HABP4: variants seen among roughly 807,000 people sequenced by gnomAD.
The protein encoded by HABP4 is hyaluronan binding protein 4, also known as intracellular hyaluronan-binding protein 4.
In HABP4, 32 loss-of-function variants were observed where a neutral mutation model predicts 44.1. The observed-to-expected ratio is 0.73, with a 90% CI of 0.55 to 0.97. The LOEUF is 0.97. HABP4 is among the 50% of genes least tolerant of loss of function. The pLI is 0.00. For synonymous variants in HABP4, 216 were observed against 218.0 expected, an observed-to-expected ratio of 0.99 and a Z score of 0.08; for missense variants, 503 against 561.9, an observed-to-expected ratio of 0.90 and a Z score of 1.06.
chr9:96,485,684 T>A (rs1237603533), intron 6 of HABP4, among the ~76,000 whole-genome samples: 1 of 152,314 alleles, frequency 6.6e-6, no homozygotes, highest in East Asian at 1.9e-4. Flanking sequence ...CCCGACTTGT[T>A]ACTGAACTTA....
intron 1 of HABP4, among the ~76,000 whole-genome samples, chr9:96,456,780 A>AAAATATATAT (rs1554724388): frequency 8.9e-5 from 4 of 44,768 alleles, no homozygotes; most frequent in Admixed American, 3.8e-4. Flanking sequence ...AAAAAAAAAA[A>AAAATATATAT]ATATATATAT....
At chr9:96,478,973 A>G (rs1418277143) in intron 5 of HABP4, among the ~76,000 whole-genome samples, 2 of 152,056 alleles carry the variant, frequency 1.3e-5, no homozygotes, top group Non-Finnish European at 2.9e-5. Context: ...AATGTTGAGC[A>G]TTTTTTGTGT....
At chr9:96,470,894 CA>C (rs34151859) in intron 4 of HABP4, 116 bp from the exon 5 acceptor site, 127,766 of 457,164 alleles carry the variant, frequency 0.28, 5,953 homozygotes, top group African/African-American at 0.53. Context: ...GACTCAGTCT[CA>C]AAAAAAAAAA....
Position 96,488,201 on chromosome 9 carries a change from C to T in HABP4, c.1112C>T (p.Ala371Val), listed in dbSNP as rs766149102. 6.2e-7 allele frequency: 1 copy of T among 1,613,380 alleles called. No homozygotes were observed. Among genetic ancestry groups the T allele is most frequent in the African/African-American group, 1.3e-5 (1 of 75,014 alleles). Reference protein sequence around the residue: ...FGNLPRPGRGARGGTRGGRGR... With the variant: ...FGNLPRPGRGVRGGTRGGRGR... The stretch of plus-strand genomic sequence containing the variant: ...AACCTCCCTCGTCCTGGGCGTGGAG[C>T]CAGAGGAGGCACCCGGGGAGGCCGG... Residue 371 changes from alanine (A) to valine (V), a missense_variant, in exon 7 of 8, where the codon GCC (alanine) becomes GTC (valine). Physicochemically the swap from Ala to Val is moderately conservative, Grantham distance 64. Coordinates refer to ENST00000375249, the MANE Select transcript of HABP4 (RefSeq NM_014282.4). This position sits in a 1 kb window ranked among gnomAD's most constrained non-coding sequence, Gnocchi z 4.6.
At chr9:96,461,206 CTTA>C (rs1832493468) in intron 2 of HABP4, among the ~76,000 whole-genome samples, 1 of 152,164 alleles carries the variant, frequency 6.6e-6, no homozygotes, top group African/African-American at 2.4e-5. Context: ...TGTGAATGTA[CTTA>C]ATGCCACAGA....
At chr9:96,467,323 C>A (rs746671276) in intron 4 of HABP4, among the ~76,000 whole-genome samples, 6 of 145,072 alleles carry the variant, frequency 4.1e-5, no homozygotes, top group Non-Finnish European at 7.4e-5. Context: ...GATTTACTAC[C>A]ATTGCTCATT....
At chr9:96,457,570 TAAAAAC>T (rs1234704713) in intron 1 of HABP4, among the ~76,000 whole-genome samples, 8 of 152,180 alleles carry the variant, frequency 5.3e-5, no homozygotes, top group Non-Finnish European at 8.8e-5. Context: ...CTACAAACTT[TAAAAAC>T]AAAAACCTTG....
intron 5 of HABP4, chr9:96,483,677 A>ATTT (rs2131157199): frequency 6.6e-6 from 1 of 152,394 alleles, no homozygotes; most frequent in South Asian, 2.1e-4. Flanking sequence ...GTAGTATAAA[A>ATTT]GTATCTGATG....
At chr9:96,452,974 G>T (rs1832313090) in intron 1 of HABP4, among the ~76,000 whole-genome samples, 1 of 127,440 alleles carries the variant, frequency 7.8e-6, no homozygotes, top group Admixed American at 9.1e-5. Context: ...AGGCTGGAGT[G>T]CAGTGGCATG....
intron 4 of HABP4, among the ~76,000 whole-genome samples, chr9:96,470,277 C>G (rs1003342324): frequency 1.3e-5 from 2 of 152,044 alleles, no homozygotes; most frequent in African/African-American, 4.8e-5. Flanking sequence ...CCACCGCACT[C>G]CAACCACCAT....
intron 2 of HABP4, among the ~76,000 whole-genome samples, chr9:96,464,391 AAAGT>A (rs1348071706): frequency 6.6e-6 from 1 of 152,200 alleles, no homozygotes; most frequent in African/African-American, 2.4e-5. Context: ...AAAGAAATCT[AAAGT>A]AAGGTTCTAA....
chr9:96,484,466 C>T lies in HABP4; in HGVS notation c.832C>T (p.Pro278Ser), dbSNP rs778542912. ...TGATTATATATCTCTTTATAGAGTTCCTGAGTTGGAGGTAGAAGAAGAAAC... is the reference window on the plus strand; with the variant it reads ...TGATTATATATCTCTTTATAGAGTTTCTGAGTTGGAGGTAGAAGAAGAAAC... Reference protein sequence around the residue: ...TPEEESPAKVPELEVEEETQV... With the variant: ...TPEEESPAKVSELEVEEETQV... The change falls in exon 6 of 8, where the codon CCT (proline) becomes TCT (serine). Residue 278 changes from proline (P) to serine (S), a missense_variant. Around this residue, in one of 3 missense-constraint regions of HABP4, gnomAD observed 131 missense variants for 189.8 expected, o/e 0.69. Coordinates refer to ENST00000375249, the MANE Select transcript of HABP4 (RefSeq NM_014282.4). The T allele has an allele frequency of 2.8e-6, 4 of 1,434,990 alleles. No homozygotes were observed. The highest frequency in any genetic ancestry group is 1.7e-5 in the Admixed American group (1 of 57,606). 88.9% of individuals were successfully genotyped at this position (1,434,990 alleles called of 1,614,324 possible).
Position 96,490,091 on chromosome 9 carries a change from C to T in HABP4, c.*53C>T. 9.5e-7 allele frequency: 1 copy of T among 1,050,822 alleles called. No individual in the cohort carries two copies. Among genetic ancestry groups the T allele is most frequent in the Non-Finnish European group, 1.5e-6 (1 of 665,808 alleles). 65.1% of individuals were successfully genotyped at this position (1,050,822 alleles called of 1,614,324 possible). ...GCTGCACTGCACACCTGTGGGGAGACTTTTCCAGCTGGGCCAAGGGAGTCA... is the reference window on the plus strand; with the variant it reads ...GCTGCACTGCACACCTGTGGGGAGATTTTTCCAGCTGGGCCAAGGGAGTCA... On this transcript the variant is annotated 3_prime_UTR_variant, in exon 8 of 8. Coordinates refer to ENST00000375249, the MANE Select transcript of HABP4 (RefSeq NM_014282.4).
chr9:96,458,553 A>G lies in HABP4; in HGVS notation c.512+12A>G. 6.3e-7 allele frequency: 1 copy of G among 1,584,280 alleles called. No individual in the cohort carries two copies. The highest frequency in any genetic ancestry group is 8.7e-7 in the Non-Finnish European group (1 of 1,153,660). On this transcript the variant is annotated intron_variant, in intron 2 of 7. Transcript: ENST00000375249. ...TTTCCAGATGAAAAGTATGTGCTGCAGTCCTCAGCAGGGCGGGTGGGGAAC... is the reference window on the plus strand; with the variant it reads ...TTTCCAGATGAAAAGTATGTGCTGCGGTCCTCAGCAGGGCGGGTGGGGAAC...
At position 96,450,303 on chromosome 9, in the gene HABP4, C is replaced by T. The variant is rs761894948; in HGVS notation, c.24C>T (p.Pro8=). The change falls in exon 1 of 8, where the codon CCC becomes CCT. Residue 8 remains proline (P), a synonymous_variant. Transcript: ENST00000375249. This position sits in a 1 kb window ranked among gnomAD's most constrained non-coding sequence, Gnocchi z 4.8. MKGALGS[P]VAAAGAAMQE... The stretch of plus-strand genomic sequence containing the variant: ...GCATGAAGGGCGCTCTGGGGAGTCC[C>T]GTGGCTGCCGCTGGCGCCGCGATGC... The T allele has an allele frequency of 1.4e-5, 19 of 1,401,766 alleles. No individual in the cohort carries two copies. Among genetic ancestry groups the T allele is most frequent in the Non-Finnish European group, 1.7e-5 (18 of 1,060,182 alleles). 86.8% of individuals were successfully genotyped at this position (1,401,766 alleles called of 1,614,324 possible). A position where few individuals can be genotyped will look rare whatever the true frequency, so the allele number is the denominator to read the frequency against.
intron 4 of HABP4, among the ~76,000 whole-genome samples, 185 bp from the exon 5 acceptor site, chr9:96,470,826 G>C (rs1234669201): frequency 6.6e-6 from 1 of 151,232 alleles, no homozygotes; most frequent in Non-Finnish European, 1.5e-5. Flanking sequence ...AAACCTGGGA[G>C]GGAGGTTGCA....
intron 2 of HABP4, among the ~76,000 whole-genome samples, chr9:96,460,419 A>G (rs1832481213): frequency 6.6e-6 from 1 of 152,164 alleles, no homozygotes; most frequent in African/African-American, 2.4e-5. Context: ...CTTACTCCTA[A>G]ATACTTTAAA....
At chr9:96,456,872 T>C (rs909736298) in intron 1 of HABP4, among the ~76,000 whole-genome samples, 1 of 140,182 alleles carries the variant, frequency 7.1e-6, no homozygotes, top group African/African-American at 2.7e-5. Context: ...TGGAGAGTAA[T>C]TTGTACCAAG....
chr9:96,458,430 G>T lies in HABP4; in HGVS notation c.401G>T (p.Arg134Leu), dbSNP rs780353636. The T allele has an allele frequency of 6.2e-7, 1 of 1,613,872 alleles. No homozygotes were observed. The highest frequency in any genetic ancestry group is 1.7e-5 in the Admixed American group (1 of 60,008). The change falls in exon 2 of 8, where the codon CGT becomes CTT. Residue 134 changes from arginine to leucine, a missense_variant. Arg to Leu is a moderately radical substitution (Grantham distance 102). Coordinates refer to ENST00000375249, the MANE Select transcript of HABP4 (RefSeq NM_014282.4). Reference sequence around the variant, plus strand: ...GAGCAGCAAGGATGGAATGACAGCCGTGGGCCGGAGGGGATGCTCGAAAGA... The same window carrying T: ...GAGCAGCAAGGATGGAATGACAGCCTTGGGCCGGAGGGGATGCTCGAAAGA... ...RGEQQGWNDSRGPEGMLERAE... is the reference protein window; with the variant it reads ...RGEQQGWNDSLGPEGMLERAE...
Sources: allele counts gnomAD v4.1 joint callset (sites outside exome capture counted in the v4.1 genomes callset), GRCh38; gene constraint gnomAD v4.1.1; regional missense constraint gnomAD v4.1.1; non-coding constraint Gnocchi (gnomAD v3.1); transcripts MANE v1.5; gene names NCBI Gene and HGNC (gene_info 2026-07-23, HGNC 2026-07-21).